Variants in MITF observed in about 807,000 individuals in gnomAD.
MITF encodes the protein melanocyte inducing transcription factor.
Under a neutral mutation model 60.5 loss-of-function variants are expected in MITF, and 17 were observed. That is an observed-to-expected ratio of 0.28 (90% CI 0.19 to 0.42). The LOEUF (loss-of-function observed/expected upper bound fraction) is 0.42. Ranked by LOEUF, MITF falls within the 10% of genes least tolerant of loss-of-function variation. The probability of loss-of-function intolerance (pLI) is 1.00; values close to 1 mark genes in which losing one functional copy is unlikely to be tolerated. For missense variants in MITF, 622 were observed against 683.5 expected, an observed-to-expected ratio of 0.91 and a Z score of 1.00; for synonymous variants, 260 against 248.5, an observed-to-expected ratio of 1.05 and a Z score of -0.43.
At chr3:69,740,240 A>G (rs1249195729) in intron 1 of MITF, among the ~76,000 whole-genome samples, 1 of 152,018 alleles carries the variant, frequency 6.6e-6, no homozygotes, top group Non-Finnish European at 1.5e-5. Flanking sequence ...GGGCTCCTGC[A>G]GGTGAGGTTT....
intron 1 of MITF, among the ~76,000 whole-genome samples, chr3:69,740,616 C>T (rs977104316): frequency 6.6e-6 from 1 of 152,170 alleles, no homozygotes; most frequent in Non-Finnish European, 1.5e-5. Context: ...TCTCTCTGTC[C>T]GGCAGCCACT....
chr3:69,822,849 C>G (rs78221612), intron 1 of MITF, among the ~76,000 whole-genome samples: 1 of 151,492 alleles, frequency 6.6e-6, no homozygotes, highest in Non-Finnish European at 1.5e-5. Context: ...TACTCAACCC[C>G]GTCTTATTGA....
chr3:69,874,847 GATAGA>G (rs1275235195), intron 1 of MITF, among the ~76,000 whole-genome samples: 3 of 152,204 alleles, frequency 2.0e-5, no homozygotes, highest in Non-Finnish European at 2.9e-5. Flanking sequence ...GGCTGACAAA[GATAGA>G]ATAAAGTATT....
At position 69,937,963 on chromosome 3, in the gene MITF, G is replaced by A. The variant is rs145387068; in HGVS notation, c.496G>A (p.Asp166Asn). Residue 166 changes from aspartate to asparagine, a missense_variant, in exon 3 of 10, where the codon GAT (aspartate) becomes AAT (asparagine). Around this residue, in one of 5 missense-constraint regions of MITF, gnomAD observed 215 missense variants for 224.8 expected, o/e 0.96. Coordinates refer to ENST00000352241, the MANE Select transcript of MITF (RefSeq NM_001354604.2). ...CTTGCCATGTCCAAACCAGCCTGGC[G>A]ATCATGTCATGCCACCGGTGCCGGG... ...LSLPCPNQPGDHVMPPVPGSS... is the reference protein window; with the variant it reads ...LSLPCPNQPGNHVMPPVPGSS... 16 of 1,614,038 alleles carry A rather than the reference G, an allele frequency of 9.9e-6. No individual in the cohort carries two copies. The East Asian group carries it at 1.3e-4, about 13-fold the overall frequency.
At chr3:69,844,906 A>G (rs949387728) in intron 1 of MITF, among the ~76,000 whole-genome samples, 9 of 152,202 alleles carry the variant, frequency 5.9e-5, no homozygotes, top group African/African-American at 2.2e-4. Context: ...CACTATGGCA[A>G]CCATGGGATT....
chr3:69,955,456 C>T (rs921261037), intron 7 of MITF, among the ~76,000 whole-genome samples: 3 of 151,974 alleles, frequency 2.0e-5, no homozygotes, highest in Admixed American at 1.3e-4. Context: ...TGTTGGGTAG[C>T]ACTAGGCTAG....
chr3:69,823,520 G>T (rs1308427770), intron 1 of MITF, among the ~76,000 whole-genome samples: 1 of 152,064 alleles, frequency 6.6e-6, no homozygotes, highest in African/African-American at 2.4e-5. Flanking sequence ...CCATTCTCAT[G>T]ACCTCATCTA....
At chr3:69,933,138 T>G (rs1475981059) in intron 2 of MITF, among the ~76,000 whole-genome samples, 2 of 152,018 alleles carry the variant, frequency 1.3e-5, no homozygotes, top group East Asian at 3.9e-4. Context: ...ATGATTGCAC[T>G]TGTGAATAGC....
chr3:69,891,470 G>A (rs141378484), intron 2 of MITF, among the ~76,000 whole-genome samples: 4 of 152,278 alleles, frequency 2.6e-5, no homozygotes, highest in Non-Finnish European at 4.4e-5. Context: ...CTGCGACCTC[G>A]TTAGAAATAC....
intron 1 of MITF, among the ~76,000 whole-genome samples, chr3:69,780,982 G>A (rs568542297): frequency 1.2e-4 from 19 of 152,162 alleles, no homozygotes; most frequent in African/African-American, 4.6e-4. Flanking sequence ...TGGTGACACT[G>A]TTTATCAAAG....
chr3:69,854,111 G>T lies in MITF; in HGVS notation c.105-25023G>T, dbSNP rs143805090. Among the ~76,000 whole-genome samples, 1,098 of 152,186 alleles carry T rather than the reference G, an allele frequency of 7.2e-3. 13 individuals are homozygous for T. Among genetic ancestry groups the T allele is most frequent in the African/African-American group, 0.021 (861 of 41,516 alleles). Reference sequence around the variant, plus strand: ...GATCCTCCCGCCTCAGCCTCCCAAAGTGCTGGGATTACAGGCGTGAGCCAC... The same window carrying T: ...GATCCTCCCGCCTCAGCCTCCCAAATTGCTGGGATTACAGGCGTGAGCCAC... On this transcript the variant is annotated intron_variant, in intron 1 of 9. Coordinates refer to ENST00000352241, the MANE Select transcript of MITF (RefSeq NM_001354604.2).
chr3:69,808,633 A>G (rs1575746061), intron 1 of MITF, among the ~76,000 whole-genome samples: 1 of 152,066 alleles, frequency 6.6e-6, no homozygotes, highest in East Asian at 1.9e-4. Flanking sequence ...GGTGTGACCA[A>G]GGAATTGCCA....
At chr3:69,900,901 GA>G (rs1322338525) in intron 2 of MITF, among the ~76,000 whole-genome samples, 4 of 151,970 alleles carry the variant, frequency 2.6e-5, no homozygotes, top group African/African-American at 9.7e-5. Flanking sequence ...AATTTACCTG[GA>G]AAAGTAATAG....
intron 1 of MITF, among the ~76,000 whole-genome samples, chr3:69,855,135 A>G (rs9836115): frequency 0.036 from 5,417 of 151,580 alleles, 303 homozygotes; most frequent in African/African-American, 0.12. Flanking sequence ...CATGGTCTAC[A>G]TTCTGCCTAC....
intron 1 of MITF, among the ~76,000 whole-genome samples, chr3:69,769,297 C>A (rs2062354815): frequency 6.6e-6 from 1 of 152,096 alleles, no homozygotes; most frequent in African/African-American, 2.4e-5. Flanking sequence ...AGATTATGCA[C>A]ACATAGGGTT....
chr3:69,852,768 C>T (rs981066647), intron 1 of MITF, among the ~76,000 whole-genome samples: 8 of 152,182 alleles, frequency 5.3e-5, no homozygotes, highest in Admixed American at 5.2e-4. Context: ...TGAATTTACA[C>T]CTTCAGGAGC....
At chr3:69,786,986 C>T (rs1238412554) in intron 1 of MITF, among the ~76,000 whole-genome samples, 3 of 152,106 alleles carry the variant, frequency 2.0e-5, no homozygotes, top group African/African-American at 7.2e-5. Flanking sequence ...GGTGTTATGT[C>T]ACTTTTAGAG....
intron 1 of MITF, among the ~76,000 whole-genome samples, chr3:69,864,751 T>C (rs1001136526): frequency 4.1e-5 from 6 of 146,974 alleles, no homozygotes; most frequent in African/African-American, 1.5e-4. Flanking sequence ...ACGGGCACCA[T>C]GTTTTTCCTT....
At chr3:69,787,654 G>A (rs2062672718) in intron 1 of MITF, among the ~76,000 whole-genome samples, 1 of 152,078 alleles carries the variant, frequency 6.6e-6, no homozygotes, top group Admixed American at 6.5e-5. Flanking sequence ...GGTTTCATTA[G>A]GGCAGTATAA....
Sources: gnomAD v4.1 joint callset for allele counts (sites outside exome capture counted in the v4.1 genomes callset) on GRCh38, gnomAD v4.1.1 for gene constraint, gnomAD v4.1.1 regional missense constraint, MANE v1.5 for transcripts, NCBI Gene and HGNC (gene_info 2026-07-23, HGNC 2026-07-21) for gene names.